FLRT2: variants seen among roughly 807,000 people sequenced by gnomAD.
FLRT2 encodes fibronectin leucine rich transmembrane protein 2, also known as leucine-rich repeat transmembrane protein FLRT2.
A neutral mutation model predicts 40.0 loss-of-function variants in FLRT2; 15 were observed. The ratio of observed to expected loss-of-function variants is 0.38; its 90% CI spans 0.25 to 0.58. The LOEUF is 0.58. Ranked by LOEUF, FLRT2 falls within the 20% of genes least tolerant of loss-of-function variation. The pLI is 0.71. For missense variants in FLRT2, 726 were observed against 840.0 expected (o/e 0.86, Z 1.68); for synonymous variants, 380 against 336.8 (o/e 1.13, Z -1.41).
chr14:85,545,803 C>G (rs1401142464), intron 1 of FLRT2, among the ~76,000 whole-genome samples: 1 of 152,116 alleles, frequency 6.6e-6, no homozygotes, highest in Non-Finnish European at 1.5e-5. Flanking sequence ...CATTTTTTCC[C>G]CTTACCCTTT....
intron 1 of FLRT2, among the ~76,000 whole-genome samples, chr14:85,584,078 A>G (rs1168845641): frequency 6.6e-6 from 1 of 152,156 alleles, no homozygotes; most frequent in African/African-American, 2.4e-5. Context: ...CCCTCAGAGA[A>G]TATGGGCTGC....
At chr14:85,544,254 G>A (rs923173870) in intron 1 of FLRT2, among the ~76,000 whole-genome samples, 5 of 152,054 alleles carry the variant, frequency 3.3e-5, no homozygotes, top group African/African-American at 1.2e-4. Context: ...CCACACATGA[G>A]GCAATTCATA....
rs1894304902 is a variant in FLRT2 at position 85,646,388 on chromosome 14, T to C, written c.*22891T>C. 1 of 152,238 alleles carries C rather than the reference T, an allele frequency of 6.6e-6. No homozygotes were observed. Among genetic ancestry groups the C allele is most frequent in the East Asian group, 1.9e-4 (1 of 5,166 alleles). 9.4% of individuals were successfully genotyped at this position (152,238 alleles called of 1,614,324 possible). A position where few individuals can be genotyped will look rare whatever the true frequency, so the allele number is the denominator to read the frequency against. ...AAGCTCATGGTAATCTCAGATGTCA[T>C]TGGACAGAGAAGCTCACAGACCAAA... On this transcript the variant is annotated 3_prime_UTR_variant, in exon 2 of 2. Transcript: ENST00000330753.
At chr14:85,610,645 G>A (rs1595083233) in intron 1 of FLRT2, among the ~76,000 whole-genome samples, 1 of 152,154 alleles carries the variant, frequency 6.6e-6, no homozygotes, top group Non-Finnish European at 1.5e-5. Flanking sequence ...GTATCCTTGT[G>A]CCTGCTCTTG....
intron 1 of FLRT2, among the ~76,000 whole-genome samples, chr14:85,532,655 A>T (rs1169754956): frequency 3.9e-5 from 6 of 152,156 alleles, no homozygotes. Context: ...GGGGGTGTTT[A>T]AATTAATCCT....
chr14:85,575,235 C>T (rs1032600423), intron 1 of FLRT2, among the ~76,000 whole-genome samples: 1 of 152,118 alleles, frequency 6.6e-6, no homozygotes, highest in African/African-American at 2.4e-5. Context: ...CTTCTGGGTG[C>T]TTTGGGGTGG....
chr14:85,572,727 A>G (rs1053873624), intron 1 of FLRT2, among the ~76,000 whole-genome samples: 20 of 152,116 alleles, frequency 1.3e-4, no homozygotes, highest in African/African-American at 4.8e-4. Context: ...CATTCAATAC[A>G]TTTCGTGTGT....
intron 1 of FLRT2, among the ~76,000 whole-genome samples, chr14:85,549,844 G>A (rs1465057534): frequency 6.8e-6 from 1 of 146,654 alleles, no homozygotes; most frequent in Non-Finnish European, 1.5e-5. Context: ...GCATAGATAA[G>A]GCAATTCCGT....
intron 1 of FLRT2, among the ~76,000 whole-genome samples, chr14:85,547,147 C>A (rs1889321908): frequency 6.6e-6 from 1 of 152,076 alleles, no homozygotes. Context: ...AGGATCAAGT[C>A]TAAACTCCCC....
intron 1 of FLRT2, among the ~76,000 whole-genome samples, chr14:85,617,831 C>T (rs993280102): frequency 3.3e-5 from 5 of 152,064 alleles, no homozygotes; most frequent in African/African-American, 1.2e-4. Context: ...CAAAATTGAA[C>T]TTGTCATAGC....
At position 85,653,153 on chromosome 14, in the gene FLRT2, C is replaced by G. The variant is rs1894474547; in HGVS notation, c.*29656C>G. 1.3e-5 allele frequency: 2 copies of G among 152,100 alleles called. No homozygotes were observed. The highest frequency in any genetic ancestry group is 2.4e-5 in the African/African-American group (1 of 41,414). The allele number at this position is 152,100 out of a possible 1,614,324, so 9.4% of individuals were successfully genotyped here. A position where few individuals can be genotyped will look rare whatever the true frequency, so the allele number is the denominator to read the frequency against. On this transcript the variant is annotated 3_prime_UTR_variant, in exon 2 of 2. Transcript: ENST00000330753. ...AACACCTTTTCTTTTTAAACATTTT[C>G]AATTTGTGATCTGCTTGAGGACTTG...
Position 85,622,909 on chromosome 14 carries a change from C to T in FLRT2, c.1395C>T (p.Ile465=), listed in dbSNP as rs17714100. 48,500 of 1,614,116 alleles carry T rather than the reference C, an allele frequency of 0.03. 1,083 individuals are homozygous for T. Among genetic ancestry groups the T allele is most frequent in the South Asian group, 0.086 (7,835 of 91,072 alleles). The change falls in exon 2 of 2, where the codon ATC becomes ATT. Residue 465 remains isoleucine (I), a synonymous_variant. Coordinates refer to ENST00000330753, the MANE Select transcript of FLRT2 (RefSeq NM_013231.6). The part of the protein sequence containing the change: ...VKMGHSLVGG[I]VQERIVSGEK... The stretch of plus-strand genomic sequence containing the variant: ...TGGGCCACAGTTTAGTAGGGGGCAT[C>T]GTTCAGGAGCGCATAGTCAGCGGTG...
chr14:85,598,277 T>C (rs113075563), intron 1 of FLRT2, among the ~76,000 whole-genome samples: 56 of 152,332 alleles, frequency 3.7e-4, no homozygotes, highest in African/African-American at 1.3e-3. Flanking sequence ...CCAGCACTCA[T>C]TAATGACAGA....
chr14:85,610,233 A>C (rs1483963903), intron 1 of FLRT2, among the ~76,000 whole-genome samples: 1 of 152,168 alleles, frequency 6.6e-6, no homozygotes, highest in African/African-American at 2.4e-5. Flanking sequence ...GTGGAAAAAA[A>C]AAAGTGTGGG....
chr14:85,645,189 TATATGTATAC>T lies in FLRT2; in HGVS notation c.*21702_*21711del. On this transcript the variant is annotated 3_prime_UTR_variant, in exon 2 of 2. Coordinates refer to ENST00000330753, the MANE Select transcript of FLRT2 (RefSeq NM_013231.6). ...GTGTGTATGTATATGTATACCTATATATATGTATACATATGTATATATGTACACATGTGTA... is the reference window on the plus strand; with the variant it reads ...GTGTGTATGTATATGTATACCTATATATATGTATATATGTACACATGTGTA... 6.6e-6 allele frequency: 1 copy of T among 151,952 alleles called. No individual in the cohort carries two copies. Among genetic ancestry groups the T allele is most frequent in the African/African-American group, 2.4e-5 (1 of 41,462 alleles). The allele number at this position is 151,952 out of a possible 1,614,324, so 9.4% of individuals were successfully genotyped here. A position where few individuals can be genotyped will look rare whatever the true frequency, so the allele number is the denominator to read the frequency against.
In FLRT2 at chr14:85,621,433, C is replaced by A; in HGVS notation, c.-82C>A. On this transcript the variant is annotated 5_prime_UTR_variant, in exon 2 of 2. Transcript: ENST00000330753. Reference sequence around the variant, plus strand: ...GTTCTGGACTTCAACAGAACCCCATCCAGTCATTTTGATTTTGCTGTTTAT... The same window carrying A: ...GTTCTGGACTTCAACAGAACCCCATACAGTCATTTTGATTTTGCTGTTTAT... The A allele has an allele frequency of 2.3e-6, 3 of 1,313,882 alleles. No individual in the cohort carries two copies. The highest frequency in any genetic ancestry group is 3.1e-6 in the Non-Finnish European group (3 of 965,594). 81.4% of individuals were successfully genotyped at this position (1,313,882 alleles called of 1,614,324 possible).
chr14:85,550,039 A>G (rs1016957515), intron 1 of FLRT2, among the ~76,000 whole-genome samples: 1 of 17,610 alleles, frequency 5.7e-5, no homozygotes, highest in Admixed American at 9.0e-4. Context: ...TATTTCTGGG[A>G]AAAAAAAAAA....
chr14:85,618,169 A>C (rs1327107823), intron 1 of FLRT2, among the ~76,000 whole-genome samples: 2 of 152,200 alleles, frequency 1.3e-5, no homozygotes, highest in African/African-American at 4.8e-5. Flanking sequence ...TGAGGCTGTT[A>C]GTTGATGAAC....
chr14:85,600,487 G>T (rs11845293), intron 1 of FLRT2, among the ~76,000 whole-genome samples: 1 of 151,904 alleles, frequency 6.6e-6, no homozygotes, highest in Non-Finnish European at 1.5e-5. Flanking sequence ...AAGAAAACAG[G>T]CATGGTCAGA....
Sources: gnomAD v4.1 joint callset for allele counts (sites outside exome capture counted in the v4.1 genomes callset) on GRCh38, gnomAD v4.1.1 for gene constraint, MANE v1.5 for transcripts, NCBI Gene and HGNC (gene_info 2026-07-23, HGNC 2026-07-21) for gene names.